Variants in FAM193B observed in about 807,000 individuals in gnomAD.
FAM193B encodes the protein family with sequence similarity 193 member B, also known as protein FAM193B.
In FAM193B, 27 loss-of-function variants were observed where a neutral mutation model predicts 70.7. That is an observed-to-expected ratio of 0.38 (90% CI 0.28 to 0.53). FAM193B has a LOEUF of 0.53. Among genes scored for constraint, FAM193B ranks in the 20% least tolerant of loss-of-function variants. FAM193B has a pLI of 0.81. For synonymous variants in FAM193B, 448 were observed against 436.0 expected (o/e 1.03, Z -0.34); for missense variants, 1,022 against 1,072.5 (o/e 0.95, Z 0.66).
At position 177,532,841 on chromosome 5, in the gene FAM193B, T is replaced by C. The variant is rs143259860; in HGVS notation, c.1077-200A>G. On this transcript the variant is annotated intron_variant, in intron 4 of 8. Coordinates refer to ENST00000514747, the MANE Select transcript of FAM193B (RefSeq NM_001190946.3). The surrounding 1 kb of genome is among the most constrained non-coding windows in gnomAD (Gnocchi z 4.9). ...CCTCAAGGCCCATCCCAAACACAAA[T>C]GTGGCTCTTCTGGAAAGGTTTCCCC... Among the ~76,000 whole-genome samples the C allele has an allele frequency of 6.6e-6, 1 of 152,286 alleles. No individual in the cohort carries two copies. The highest frequency in any genetic ancestry group is 1.9e-4 in the East Asian group (1 of 5,182).
At chr5:177,549,213 A>T (rs1765872119) in intron 1 of FAM193B, among the ~76,000 whole-genome samples, 1 of 144,820 alleles carries the variant, frequency 6.9e-6, no homozygotes. Context: ...TTTTTTTGAG[A>T]AAGGAGTCTC....
intron 6 of FAM193B, 31 bp from the exon 7 acceptor site, chr5:177,524,063 C>T: frequency 6.2e-7 from 1 of 1,613,816 alleles, no homozygotes; most frequent in Non-Finnish European, 8.5e-7. Context: ...GGGCTCAGTG[C>T]CCATGGCCAG....
Position 177,525,048 on chromosome 5 carries a change from A to T in FAM193B, c.1433T>A (p.Ile478Asn). The part of the protein sequence containing the change: ...NSFLSSRLQE[I>N]KNTVKDSIRA... ...GATGGAGTCTTTGACAGTGTTTTTG[A>T]TCTCCTGCAGACGGCTGCTCAGGAA... The change falls in exon 6 of 9, where the codon ATC becomes AAC. Residue 478 changes from isoleucine to asparagine, a missense_variant. Ile to Asn is a moderately radical substitution (Grantham distance 149). Coordinates refer to ENST00000514747, the MANE Select transcript of FAM193B (RefSeq NM_001190946.3). 6.3e-7 allele frequency: 1 copy of T among 1,587,300 alleles called. No individual in the cohort carries two copies. Among genetic ancestry groups the T allele is most frequent in the Non-Finnish European group, 8.6e-7 (1 of 1,168,062 alleles).
chr5:177,553,057 G>T, intron 1 of FAM193B: 1 of 414,272 alleles, frequency 2.4e-6, no homozygotes, highest in Non-Finnish European at 3.2e-6. Context: ...AAAGGGGAGT[G>T]CTACCAGAGG....
chr5:177,522,275 G>C, intron 7 of FAM193B: 1 of 526,392 alleles, frequency 1.9e-6, no homozygotes, highest in Non-Finnish European at 3.4e-6. Flanking sequence ...TATGTATGAA[G>C]ACAGTGAAAC....
At position 177,524,546 on chromosome 5, in the gene FAM193B, C is replaced by G; in HGVS notation, c.1935G>C (p.Lys645Asn). 1 of 1,611,176 alleles carries G rather than the reference C, an allele frequency of 6.2e-7. No homozygotes were observed. The highest frequency in any genetic ancestry group is 8.5e-7 in the Non-Finnish European group (1 of 1,178,770). ...QKGKRQGSQA[K>N]KSEASPAPRP... is the part of the protein sequence containing the mutation. ...GGGGGGCTGGGCTTGCCTCGCTCTTCTTGGCCTGACTGCCCTGCCTCTTGC... is the reference window on the plus strand; with the variant it reads ...GGGGGGCTGGGCTTGCCTCGCTCTTGTTGGCCTGACTGCCCTGCCTCTTGC... Residue 645 changes from lysine (K) to asparagine (N), a missense_variant, in exon 6 of 9, where the codon AAG becomes AAC. Coordinates refer to ENST00000514747, the MANE Select transcript of FAM193B (RefSeq NM_001190946.3).
At position 177,538,704 on chromosome 5, in the gene FAM193B, G is replaced by A. The variant is rs541337531; in HGVS notation, c.453+201C>T. Among the ~76,000 whole-genome samples, 2 of 152,334 alleles carry A rather than the reference G, an allele frequency of 1.3e-5. No homozygotes were observed. Among genetic ancestry groups the A allele is most frequent in the South Asian group, 4.1e-4 (2 of 4,820 alleles). On this transcript the variant is annotated intron_variant, in intron 2 of 8. Transcript: ENST00000514747. This position sits in a 1 kb window ranked among gnomAD's most constrained non-coding sequence, Gnocchi z 4.1. ...TGTGCACAGACCACCCTGAGGGACT[G>A]ACCGGTGGGCTGCCAGAAGTTTCTC...
At position 177,553,789 on chromosome 5, in the gene FAM193B, C is replaced by T. The variant is rs749689462; in HGVS notation, c.210+460G>A. On this transcript the variant is annotated intron_variant, in intron 1 of 8. Transcript: ENST00000514747. ...CAGGAGACACAGCTGCTGAGGGGGC[C>T]GCGGCTGCAGGCGCTGCAGGGGACG... 9 of 1,286,890 alleles carry T rather than the reference C, an allele frequency of 7.0e-6. No individual in the cohort carries two copies. In the South Asian group the frequency reaches 9.9e-5, roughly 14 times the overall value. The allele number at this position is 1,286,890 out of a possible 1,614,324, so 79.7% of individuals were successfully genotyped here.
chr5:177,528,739 G>T (rs1231608074), intron 5 of FAM193B, among the ~76,000 whole-genome samples: 2 of 152,254 alleles, frequency 1.3e-5, no homozygotes, highest in Non-Finnish European at 1.5e-5. Context: ...CTGGAGGCCT[G>T]ACAGAAGGAC....
chr5:177,522,372 G>A (rs1270564302), intron 7 of FAM193B, among the ~76,000 whole-genome samples: 3 of 152,224 alleles, frequency 2.0e-5, no homozygotes, highest in African/African-American at 4.8e-5. Flanking sequence ...AAGTACAGTC[G>A]TCCCTCTGAA....
chr5:177,526,709 C>T (rs1347741231), intron 5 of FAM193B, among the ~76,000 whole-genome samples: 1 of 152,186 alleles, frequency 6.6e-6, no homozygotes, highest in African/African-American at 2.4e-5. Context: ...TGACCCTCTG[C>T]TTATAGGTGA....
intron 3 of FAM193B, among the ~76,000 whole-genome samples, chr5:177,537,412 A>AT (rs1764300620): frequency 6.6e-6 from 1 of 152,230 alleles, no homozygotes. Flanking sequence ...CAGCTGCTAA[A>AT]TTAGCTAATA....
chr5:177,532,454 C>G lies in FAM193B; in HGVS notation c.1264G>C (p.Gly422Arg). ...GCAGGCTCACTCACCGCATTGTGGC[C>G]GAAGAACTCACAGTAGCAGCAGTCA... Reference protein sequence around the residue: ...FCDCCYCEFFGHNAEKEKAQL... With the variant: ...FCDCCYCEFFRHNAEKEKAQL... Residue 422 changes from glycine to arginine, a missense_variant, in exon 5 of 9, where the codon GGC becomes CGC. Coordinates refer to ENST00000514747, the MANE Select transcript of FAM193B (RefSeq NM_001190946.3). This position sits in a 1 kb window ranked among gnomAD's most constrained non-coding sequence, Gnocchi z 4.9. 6.2e-7 allele frequency: 1 copy of G among 1,610,720 alleles called. No individual in the cohort carries two copies. Among genetic ancestry groups the G allele is most frequent in the South Asian group, 1.1e-5 (1 of 90,000 alleles).
At chr5:177,531,251 G>C (rs1243270687) in intron 5 of FAM193B, 2 of 1,242,694 alleles carry the variant, frequency 1.6e-6, no homozygotes, top group Non-Finnish European at 1.0e-6. Context: ...AGGGAGGAGA[G>C]ACGGCAGAGC....
At chr5:177,536,277 C>T in intron 4 of FAM193B, 81 bp downstream of exon 4, 3 of 1,407,434 alleles carry the variant, frequency 2.1e-6, no homozygotes, top group Non-Finnish European at 1.9e-6. Context: ...TTTTTAATTG[C>T]CACCTCAAAG....
intron 5 of FAM193B, among the ~76,000 whole-genome samples, chr5:177,529,290 G>C (rs1477698000): frequency 6.6e-6 from 1 of 151,768 alleles, no homozygotes. Flanking sequence ...GAAGGGAGCA[G>C]AGAGACACTG....
chr5:177,531,194 G>C (rs1183368087), intron 5 of FAM193B: 29 of 1,178,774 alleles, frequency 2.5e-5, no homozygotes, highest in Non-Finnish European at 3.2e-5. Flanking sequence ...TTGGCAGCCA[G>C]CATCATTCAT....
intron 1 of FAM193B, among the ~76,000 whole-genome samples, chr5:177,541,203 G>A (rs1390019407): frequency 1.3e-5 from 2 of 152,154 alleles, no homozygotes; most frequent in African/African-American, 4.8e-5. Flanking sequence ...GGATAGAGAA[G>A]GATGGTATTC....
chr5:177,526,783 T>A (rs1023121845), intron 5 of FAM193B, among the ~76,000 whole-genome samples: 2 of 152,174 alleles, frequency 1.3e-5, no homozygotes, highest in Non-Finnish European at 2.9e-5. Context: ...GCCAGGACAA[T>A]ACACCCAGGC....
Sources: gnomAD v4.1 joint callset for allele counts (sites outside exome capture counted in the v4.1 genomes callset) on GRCh38, gnomAD v4.1.1 for gene constraint, Gnocchi (gnomAD v3.1) non-coding constraint, MANE v1.5 for transcripts, NCBI Gene and HGNC (gene_info 2026-07-23, HGNC 2026-07-21) for gene names.